Variants in MOV10L1 observed in about 807,000 individuals in gnomAD.
MOV10L1 encodes the protein Mov10 like RNA helicase 1, also known as RNA helicase Mov10l1.
In MOV10L1, 110 loss-of-function variants were observed where a neutral mutation model predicts 143.8. That is an observed-to-expected ratio of 0.76 (90% confidence interval 0.66 to 0.90). The LOEUF is 0.90. MOV10L1 is among the 40% of genes least tolerant of loss of function. The pLI is 0.00. For synonymous variants in MOV10L1, 593 were observed against 581.1 expected (o/e 1.02, Z -0.29); for missense variants, 1,406 against 1,526.8 (o/e 0.92, Z 1.32).
chr22:50,150,661 C>T (rs2063273665), intron 20 of MOV10L1, 74 bp from the exon 21 acceptor site: 4 of 1,534,938 alleles, frequency 2.6e-6, no homozygotes, highest in African/African-American at 1.4e-5. Flanking sequence ...CGCACAGCCC[C>T]ATTCCCACCT....
At chr22:50,139,521 G>A (rs969556242) in intron 15 of MOV10L1, among the ~76,000 whole-genome samples, 2 of 151,356 alleles carry the variant, frequency 1.3e-5, no homozygotes, top group African/African-American at 4.9e-5. Flanking sequence ...AGGCTAGCCT[G>A]GGCAACATAG....
chr22:50,111,666 G>A (rs752958681), intron 5 of MOV10L1, among the ~76,000 whole-genome samples: 1 of 151,758 alleles, frequency 6.6e-6, no homozygotes, highest in Non-Finnish European at 1.5e-5. Context: ...ACCATGCCTG[G>A]CTAATTTTTT....
rs2063470985 is a variant in MOV10L1 at position 50,158,047 on chromosome 22, A to C, written c.3067-10A>C. 1 of 1,609,608 alleles carries C rather than the reference A, an allele frequency of 6.2e-7. No individual in the cohort carries two copies. The highest frequency in any genetic ancestry group is 1.3e-5 in the African/African-American group (1 of 74,892). On this transcript the variant is annotated splice_polypyrimidine_tract_variant and intron_variant, in intron 22 of 26. Transcript: ENST00000262794. The surrounding 1 kb of genome is among the most constrained non-coding windows in gnomAD (Gnocchi z 5.0). ...GAAGTAAAGTAGGTTTTCTCTCCTCATCAACCCAGGGCAGCGAGGCACGGG... is the reference window on the plus strand; with the variant it reads ...GAAGTAAAGTAGGTTTTCTCTCCTCCTCAACCCAGGGCAGCGAGGCACGGG...
chr22:50,129,162 G>A (rs1251724803), intron 13 of MOV10L1, among the ~76,000 whole-genome samples: 1 of 152,134 alleles, frequency 6.6e-6, no homozygotes, highest in East Asian at 1.9e-4. Context: ...ATATAAAGGT[G>A]CATACATTTG....
chr22:50,120,845 G>A (rs941411991), intron 10 of MOV10L1, among the ~76,000 whole-genome samples: 1 of 152,344 alleles, frequency 6.6e-6, no homozygotes, highest in South Asian at 2.1e-4. Context: ...CCTCACTGGG[G>A]GTCACGCACA....
At chr22:50,126,346 C>A in intron 12 of MOV10L1, 74 bp downstream of exon 12, 3 of 1,150,502 alleles carry the variant, frequency 2.6e-6, no homozygotes, top group Non-Finnish European at 3.8e-6. Context: ...ACGTTCTCCC[C>A]ACGGCTCTTG....
At position 50,153,100 on chromosome 22, in the gene MOV10L1, C is replaced by T; in HGVS notation, c.2948C>T (p.Ser983Leu). 6.2e-7 allele frequency: 1 copy of T among 1,613,630 alleles called. No individual in the cohort carries two copies. The highest frequency in any genetic ancestry group is 8.5e-7 in the Non-Finnish European group (1 of 1,179,536). The part of the protein sequence containing the change: ...RSHEALLMLP[S>L]RLFYHRELEV... ...CACGAGGCCCTGCTGATGCTGCCCT[C>T]ACGGCTGTTCTACCACAGGGAACTC... The change falls in exon 22 of 27, where the codon TCA becomes TTA. Residue 983 changes from serine (S) to leucine (L), a missense_variant. Physicochemically the swap from Ser to Leu is moderately radical, Grantham distance 145 (BLOSUM62 -2). Transcript: ENST00000262794.
chr22:50,091,680 G>A (rs1181215516), intron 1 of MOV10L1, among the ~76,000 whole-genome samples: 1 of 152,138 alleles, frequency 6.6e-6, no homozygotes. Flanking sequence ...AGTAGTTAAG[G>A]ACCTAGTCCA....
intron 16 of MOV10L1, 81 bp downstream of exon 16, chr22:50,142,270 C>A (rs9617102): frequency 2.7e-6 from 3 of 1,126,942 alleles, no homozygotes; most frequent in Non-Finnish European, 2.5e-6. Context: ...AGTGGGCTCT[C>A]ATGCAGAAGG....
intron 26 of MOV10L1, 62 bp from the exon 27 acceptor site, chr22:50,161,306 G>A (rs148213119): frequency 8.9e-6 from 12 of 1,344,416 alleles, no homozygotes; most frequent in East Asian, 5.0e-5. Flanking sequence ...GGAAAAGAGT[G>A]CAGCTCCCAG....
rs370498826 is a variant in MOV10L1 at position 50,142,199 on chromosome 22, C to T, written c.2179+10C>T. ...GAGATGAGCGATTGGGGTATGTGCTCATGAGGGGCAAGGAGAAGAGCAACT... is the reference window on the plus strand; with the variant it reads ...GAGATGAGCGATTGGGGTATGTGCTTATGAGGGGCAAGGAGAAGAGCAACT... On this transcript the variant is annotated intron_variant, in intron 16 of 26. Coordinates refer to ENST00000262794, the MANE Select transcript of MOV10L1 (RefSeq NM_018995.3). 1.9e-6 allele frequency: 3 copies of T among 1,599,968 alleles called. No homozygotes were observed. Among genetic ancestry groups the T allele is most frequent in the Middle Eastern group, 1.7e-4 (1 of 5,988 alleles).
intron 1 of MOV10L1, 62 bp downstream of exon 1, chr22:50,090,247 G>A: frequency 7.1e-7 from 1 of 1,409,462 alleles, no homozygotes; most frequent in African/African-American, 1.5e-5. Context: ...CCACGAGGGA[G>A]CCGCGCCCAT....
chr22:50,138,708 TTTTG>T (rs1402594542), intron 15 of MOV10L1, among the ~76,000 whole-genome samples: 3 of 152,138 alleles, frequency 2.0e-5, no homozygotes, highest in Non-Finnish European at 4.4e-5. Context: ...TTTTTTGGTG[TTTTG>T]TTTGTTTGTT....
chr22:50,153,637 G>A (rs1000420063), intron 22 of MOV10L1, among the ~76,000 whole-genome samples: 3 of 152,238 alleles, frequency 2.0e-5, no homozygotes, highest in Admixed American at 1.3e-4. Flanking sequence ...GAGAGAGCCC[G>A]GCAGGGAAGG....
intron 21 of MOV10L1, among the ~76,000 whole-genome samples, chr22:50,151,649 G>T (rs564395022): frequency 9.2e-5 from 14 of 152,354 alleles, no homozygotes; most frequent in Admixed American, 9.1e-4. Flanking sequence ...GCTGGGCCCA[G>T]AGGGCGCCTG....
At position 50,090,068 on chromosome 22, in the gene MOV10L1, A is replaced by ATGACGGCG; in HGVS notation, c.-21_-20insTGACGGCG. On this transcript the variant is annotated 5_prime_UTR_variant, in exon 1 of 27. It adds an upstream start codon to the 5' untranslated region. Coordinates refer to ENST00000262794, the MANE Select transcript of MOV10L1 (RefSeq NM_018995.3). ...GGGCGGCGGCAGCGGCGGTGACGGC[A>ATGACGGCG]GCCTAGGCCGGGCGAGGGCCATGCT... is the stretch of plus-strand genomic sequence containing the variant. 8.1e-7 allele frequency: 1 copy of ATGACGGCG among 1,240,580 alleles called. No homozygotes were observed. 76.8% of individuals were successfully genotyped at this position (1,240,580 alleles called of 1,614,324 possible).
intron 15 of MOV10L1, 97 bp from the exon 16 acceptor site, chr22:50,141,984 C>A: frequency 2.4e-6 from 2 of 826,964 alleles, no homozygotes; most frequent in Non-Finnish European, 1.8e-6. Context: ...AATAAATATA[C>A]TAAGTAGAAC....
At chr22:50,131,795 T>G (rs1346253363) in intron 13 of MOV10L1, among the ~76,000 whole-genome samples, 1 of 152,200 alleles carries the variant, frequency 6.6e-6, no homozygotes, top group East Asian at 1.9e-4. Context: ...TTGTGTTCCA[T>G]TGTACACTTG....
chr22:50,127,236 A>G (rs2062534150), intron 12 of MOV10L1, among the ~76,000 whole-genome samples: 2 of 152,162 alleles, frequency 1.3e-5, no homozygotes, highest in Non-Finnish European at 1.5e-5. Context: ...AGAGCCAGAG[A>G]TCTCAGGAGG....
Sources: gnomAD v4.1 joint callset for allele counts (sites outside exome capture counted in the v4.1 genomes callset) on GRCh38, gnomAD v4.1.1 for gene constraint, Gnocchi (gnomAD v3.1) non-coding constraint, MANE v1.5 for transcripts, NCBI Gene and HGNC (gene_info 2026-07-23, HGNC 2026-07-21) for gene names.